The following TFDP1 variants were observed in gnomAD, a reference collection of about 807,000 sequenced individuals.
TFDP1 encodes the protein transcription factor Dp-1.
TFDP1 carries 6 observed loss-of-function variants against 48.0 expected under a neutral mutation model. The ratio of observed to expected loss-of-function variants is 0.13; its 90% CI spans 0.07 to 0.25. The LOEUF is 0.25. Among genes scored for constraint, TFDP1 ranks in the 10% least tolerant of loss-of-function variants. The probability of loss-of-function intolerance (pLI) is 1.00; values close to 1 mark genes in which losing one functional copy is unlikely to be tolerated. For synonymous variants in TFDP1, 201 were observed against 211.6 expected (o/e 0.95, Z 0.44); for missense variants, 335 against 543.0 (o/e 0.62, Z 3.81).
intron 4 of TFDP1, among the ~76,000 whole-genome samples, chr13:113,629,133 G>A (rs527920932): frequency 1.8e-4 from 27 of 152,350 alleles, no homozygotes; most frequent in African/African-American, 5.5e-4. Flanking sequence ...ACAGTGCTGC[G>A]GAGACACAGT....
At chr13:113,625,311 C>T (rs1468628103) in intron 4 of TFDP1, among the ~76,000 whole-genome samples, 169 of 62,948 alleles carry the variant, frequency 2.7e-3, no homozygotes, top group African/African-American at 7.9e-3. Flanking sequence ...CTCACGTGTC[C>T]TCACGTGTTT....
intron 2 of TFDP1, among the ~76,000 whole-genome samples, chr13:113,594,878 A>G (rs1310523982): frequency 6.6e-6 from 1 of 152,270 alleles, no homozygotes; most frequent in African/African-American, 2.4e-5. Flanking sequence ...GAAAAATTCT[A>G]GGAAAGCAAA....
At chr13:113,589,507 CA>C (rs1182779086) in intron 2 of TFDP1, among the ~76,000 whole-genome samples, 1 of 152,210 alleles carries the variant, frequency 6.6e-6, no homozygotes, top group Non-Finnish European at 1.5e-5. Flanking sequence ...AGTTTGGAGA[CA>C]CCCTGGGAGG....
At position 113,631,668 on chromosome 13, in the gene TFDP1, G is replaced by A. The variant is rs750688696; in HGVS notation, c.232G>A (p.Val78Ile). 9 of 1,614,024 alleles carry A rather than the reference G, an allele frequency of 5.6e-6. No individual in the cohort carries two copies. Among genetic ancestry groups the A allele is most frequent in the Non-Finnish European group, 6.8e-6 (8 of 1,180,018 alleles). The change falls in exon 5 of 12, where the codon GTA (valine) becomes ATA (isoleucine). Residue 78 changes from valine to isoleucine, a missense_variant. By Grantham distance (29) the Val-to-Ile change is conservative (BLOSUM62 3). Coordinates refer to ENST00000375370, the MANE Select transcript of TFDP1 (RefSeq NM_007111.5). ...ACCGGCAGCGTCAAACACCCTGGTG[G>A]TAGGAAGCCCACACACCCCCAGCAC... ...QRPAASNTLV[V>I]GSPHTPSTHF...
At chr13:113,630,322 C>G (rs2049302499) in intron 4 of TFDP1, among the ~76,000 whole-genome samples, 1 of 152,218 alleles carries the variant, frequency 6.6e-6, no homozygotes, top group Admixed American at 6.5e-5. Context: ...TCTGATGAGT[C>G]TCTGATCATC....
At position 113,640,320 on chromosome 13, in the gene TFDP1, T is replaced by C. The variant is rs1236768094; in HGVS notation, c.*53T>C. The stretch of plus-strand genomic sequence containing the variant: ...AGGAAAACGTTTAGCGAAAAGAAAC[T>C]TTTTTTTTAATGTGGGTTTTCTGTT... On this transcript the variant is annotated 3_prime_UTR_variant, in exon 12 of 12. Coordinates refer to ENST00000375370, the MANE Select transcript of TFDP1 (RefSeq NM_007111.5). 2 of 1,508,270 alleles carry C rather than the reference T, an allele frequency of 1.3e-6. No individual in the cohort carries two copies. Among genetic ancestry groups the C allele is most frequent in the Non-Finnish European group, 1.8e-6 (2 of 1,126,582 alleles). The allele number at this position is 1,508,270 out of a possible 1,614,324, so 93.4% of individuals were successfully genotyped here. A position where few individuals can be genotyped will look rare whatever the true frequency, so the allele number is the denominator to read the frequency against.
intron 2 of TFDP1, among the ~76,000 whole-genome samples, chr13:113,599,953 A>G (rs1196549832): frequency 1.3e-5 from 2 of 151,614 alleles, no homozygotes; most frequent in Non-Finnish European, 2.9e-5. Flanking sequence ...ACTGTGATAA[A>G]GAATCCTTGC....
intron 11 of TFDP1, among the ~76,000 whole-genome samples, chr13:113,639,780 G>C (rs770214742): frequency 6.6e-6 from 1 of 152,190 alleles, no homozygotes; most frequent in Non-Finnish European, 1.5e-5. Flanking sequence ...GAAAGTCCCG[G>C]AGGGAGGGAT....
chr13:113,600,436 A>T (rs960882073), intron 2 of TFDP1, among the ~76,000 whole-genome samples: 2 of 150,498 alleles, frequency 1.3e-5, no homozygotes, highest in Non-Finnish European at 3.0e-5. Context: ...GTGAGAGAGA[A>T]CCCTTGCACA....
chr13:113,615,473 T>C (rs80231285), intron 3 of TFDP1, among the ~76,000 whole-genome samples: 4,341 of 152,310 alleles, frequency 0.029, 165 homozygotes, highest in East Asian at 0.11. Context: ...GCCCGGCCTG[T>C]GCCTCGTCCT....
chr13:113,596,669 C>A (rs549295380), intron 2 of TFDP1, among the ~76,000 whole-genome samples: 61 of 152,346 alleles, frequency 4.0e-4, no homozygotes, highest in Non-Finnish European at 7.5e-4. Flanking sequence ...TTTGCCCGGA[C>A]TTAACCTCTT....
At chr13:113,638,543 A>G (rs1304893250) in intron 11 of TFDP1, among the ~76,000 whole-genome samples, 2 of 150,516 alleles carry the variant, frequency 1.3e-5, no homozygotes, top group Non-Finnish European at 3.0e-5. Flanking sequence ...CGCGTCTGCA[A>G]TCACAGCGCA....
rs769235091 is a variant in TFDP1 at position 113,634,614 on chromosome 13, C to A, written c.687+12C>A. The A allele has an allele frequency of 6.3e-7, 1 of 1,595,002 alleles. No individual in the cohort carries two copies. Among genetic ancestry groups the A allele is most frequent in the South Asian group, 1.1e-5 (1 of 88,776 alleles). On this transcript the variant is annotated intron_variant, in intron 8 of 11. Coordinates refer to ENST00000375370, the MANE Select transcript of TFDP1 (RefSeq NM_007111.5). ...AACTTATTCTACAGGTAAGAGAATA[C>A]GTATCTGTGGAGGCAGGGTAATTTT...
chr13:113,603,352 A>G (rs1029287542), intron 2 of TFDP1, among the ~76,000 whole-genome samples: 72 of 152,190 alleles, frequency 4.7e-4, no homozygotes, highest in African/African-American at 1.6e-3. Context: ...GCTGGCAAAG[A>G]GGGAGGCGTT....
At position 113,606,110 on chromosome 13, in the gene TFDP1, G is replaced by A. The variant is rs113736677; in HGVS notation, c.13-4886G>A. 8.2e-3 allele frequency among the ~76,000 whole-genome samples: 1,145 copies of A among 139,586 alleles called. 19 individuals carry two copies. The highest frequency in any genetic ancestry group is 0.029 in the African/African-American group (1,059 of 36,480). 91.6% of individuals were successfully genotyped at this position (139,586 alleles called of 152,430 possible). The stretch of plus-strand genomic sequence containing the variant: ...ATAGGGGATCCTGTGGGAAGGCGGC[G>A]TGGTGGTGAGTGTCTGCAGGGGATC... On this transcript the variant is annotated intron_variant, in intron 2 of 11. Coordinates refer to ENST00000375370, the MANE Select transcript of TFDP1 (RefSeq NM_007111.5).
At position 113,623,735 on chromosome 13, in the gene TFDP1, G is replaced by A. The variant is rs1230139939; in HGVS notation, c.186+449G>A. Among the ~76,000 whole-genome samples, 1 of 152,230 alleles carries A rather than the reference G, an allele frequency of 6.6e-6. No homozygotes were observed. The highest frequency in any genetic ancestry group is 1.9e-4 in the East Asian group (1 of 5,192). ...GGCCGTGGCTGTGCGTTTGCCCCGG[G>A]GCAGTGACAGGGCAGATGCTGCTCC... On this transcript the variant is annotated intron_variant, in intron 4 of 11. Transcript: ENST00000375370. This position sits in a 1 kb window ranked among gnomAD's most constrained non-coding sequence, Gnocchi z 5.2.
At chr13:113,618,910 G>A (rs1382303915) in intron 3 of TFDP1, among the ~76,000 whole-genome samples, 3 of 152,178 alleles carry the variant, frequency 2.0e-5, no homozygotes, top group South Asian at 2.1e-4. Flanking sequence ...TGTTTCAGAC[G>A]CACACAAAAA....
chr13:113,625,436 C>G (rs2049125978), intron 4 of TFDP1, among the ~76,000 whole-genome samples: 1 of 124,740 alleles, frequency 8.0e-6, no homozygotes, highest in Non-Finnish European at 1.6e-5. Context: ...TCAGGTGTCT[C>G]TCACATGTCC....
chr13:113,608,415 A>G (rs931925861), intron 2 of TFDP1, among the ~76,000 whole-genome samples: 7 of 152,230 alleles, frequency 4.6e-5, no homozygotes, highest in African/African-American at 1.7e-4. Flanking sequence ...GGAACTGGGC[A>G]GAGCCCTGGC....
Sources: allele counts gnomAD v4.1 joint callset (sites outside exome capture counted in the v4.1 genomes callset), GRCh38; gene constraint gnomAD v4.1.1; non-coding constraint Gnocchi (gnomAD v3.1); transcripts MANE v1.5; gene names NCBI Gene and HGNC (gene_info 2026-07-23, HGNC 2026-07-21).